CCNQ: variants seen among roughly 807,000 people sequenced by gnomAD.
The protein encoded by CCNQ is cyclin Q.
A neutral mutation model predicts 17.7 loss-of-function variants in CCNQ; 3 were observed. That is an observed-to-expected ratio of 0.17 (90% CI 0.08 to 0.44). The LOEUF (loss-of-function observed/expected upper bound fraction) is 0.44, where lower values mean the gene tolerates loss of function less well. Ranked by LOEUF, CCNQ falls within the 20% of genes least tolerant of loss-of-function variation. The pLI, the probability that CCNQ is intolerant of heterozygous loss-of-function variation, is 0.99. For synonymous variants in CCNQ, 73 were observed against 96.0 expected (o/e 0.76, Z 1.40); for missense variants, 146 against 222.6 (o/e 0.66, Z 2.19).
intron 1 of CCNQ, among the ~76,000 whole-genome samples, chrX:153,598,291 C>G (rs1212002171): frequency 9.0e-6 from 1 of 111,532 alleles, no homozygotes; most frequent in Non-Finnish European, 1.9e-5. Context: ...TGGCACACAC[C>G]TGTAATTCCA....
chrX:153,592,356 G>A (rs2090997477), intron 4 of CCNQ, 150 bp downstream of exon 4: 1 of 574,636 alleles, frequency 1.7e-6, no homozygotes, highest in Admixed American at 3.1e-5. Flanking sequence ...CCTGTCCCAG[G>A]CCATCGCAAC....
In CCNQ at chrX:153,588,220, A is replaced by ATT; in HGVS notation, c.*143_*144dup. The ATT allele has an allele frequency of 1.7e-6, 1 of 582,999 alleles. No homozygotes were observed. Among genetic ancestry groups the ATT allele is most frequent in the East Asian group, 3.3e-5 (1 of 30,542 alleles). 48.0% of individuals were successfully genotyped at this position (582,999 alleles called of 1,213,427 possible). A position where few individuals can be genotyped will look rare whatever the true frequency, so the allele number is the denominator to read the frequency against. On this transcript the variant is annotated 3_prime_UTR_variant, in exon 5 of 5. Coordinates refer to ENST00000576892, the MANE Select transcript of CCNQ (RefSeq NM_152274.5). The stretch of plus-strand genomic sequence containing the variant: ...GGGACTGGCAAAGCGGCAGCATGCC[A>ATT]TTGCCTTCTCCAGCCCTTCTCCAGC...
chrX:153,590,582 G>C (rs1004043178), intron 4 of CCNQ, among the ~76,000 whole-genome samples: 10 of 112,143 alleles, frequency 8.9e-5, no homozygotes, highest in Non-Finnish European at 1.9e-4. Flanking sequence ...TTCTGCGGCT[G>C]GATGGTGGTG....
intron 4 of CCNQ, 22 bp downstream of exon 4, chrX:153,592,484 G>C: frequency 8.4e-7 from 1 of 1,196,626 alleles, no homozygotes; most frequent in East Asian, 3.0e-5. Flanking sequence ...GGCACGTCCA[G>C]TGTGCCAAGC....
chrX:153,598,708 C>A (rs1167132552), intron 1 of CCNQ, among the ~76,000 whole-genome samples: 1 of 113,384 alleles, frequency 8.8e-6, no homozygotes, highest in Non-Finnish European at 1.9e-5. Flanking sequence ...CCGGGCCGGT[C>A]TCCGCCTCGC....
Position 153,596,051 on chromosome X carries a change from C to T in CCNQ, c.249G>A (p.Val83=), listed in dbSNP as rs1208355954. The T allele has an allele frequency of 2.5e-6, 3 of 1,210,872 alleles. No homozygotes were observed. In the African/African-American group the frequency reaches 5.2e-5, roughly 21 times the overall value. The part of the protein sequence containing the change: ...AMSSIYLAGK[V]EEQHLRTRDI... ...CACGAGTCCGCAGGTGCTGCTCTTCCACTTTGCCGGCCAAGTAAATTGAAG... is the reference window on the plus strand; with the variant it reads ...CACGAGTCCGCAGGTGCTGCTCTTCTACTTTGCCGGCCAAGTAAATTGAAG... The change falls in exon 2 of 5, where the codon GTG becomes GTA. Residue 83 remains valine (V), a synonymous_variant. Coordinates refer to ENST00000576892, the MANE Select transcript of CCNQ (RefSeq NM_152274.5).
intron 4 of CCNQ, among the ~76,000 whole-genome samples, chrX:153,592,051 A>T (rs1234714334): frequency 1.8e-5 from 2 of 110,360 alleles, no homozygotes; most frequent in Non-Finnish European, 3.8e-5. Flanking sequence ...ATACCTATCA[A>T]TCACCCGCCA....
intron 4 of CCNQ, among the ~76,000 whole-genome samples, chrX:153,591,761 G>A (rs191562630): frequency 2.7e-5 from 3 of 110,520 alleles, no homozygotes; most frequent in Non-Finnish European, 3.8e-5. Flanking sequence ...GAACATGGGT[G>A]CATGGGTTCA....
At chrX:153,594,871 G>C (rs1362634290) in intron 2 of CCNQ, among the ~76,000 whole-genome samples, 192 bp from the exon 3 acceptor site, 1 of 112,589 alleles carries the variant, frequency 8.9e-6, no homozygotes. Context: ...AATGAAAACA[G>C]TAACCAACAG....
chrX:153,596,306 CT>C, intron 1 of CCNQ, 119 bp from the exon 2 acceptor site: 4 of 793,320 alleles, frequency 5.0e-6, no homozygotes, highest in Non-Finnish European at 5.7e-6. Flanking sequence ...AGGCTAAGAA[CT>C]TCCAGCAGAG....
At chrX:153,593,881 C>T (rs56197281) in intron 3 of CCNQ, among the ~76,000 whole-genome samples, 7,906 of 111,418 alleles carry the variant, frequency 0.071, 284 homozygotes, top group African/African-American at 0.14. Context: ...GGAAGAGTTC[C>T]GATGAAAAAG....
chrX:153,588,172 C>T lies in CCNQ; in HGVS notation c.*193G>A, dbSNP rs1341233588. On this transcript the variant is annotated 3_prime_UTR_variant, in exon 5 of 5. Coordinates refer to ENST00000576892, the MANE Select transcript of CCNQ (RefSeq NM_152274.5). ...TGCCCGCTGGAGGCGCGGCTCCCACCATCACCTGCACCGCGACTTCTAGGG... is the reference window on the plus strand; with the variant it reads ...TGCCCGCTGGAGGCGCGGCTCCCACTATCACCTGCACCGCGACTTCTAGGG... 7.5e-6 allele frequency: 4 copies of T among 530,566 alleles called. No homozygotes were observed. The highest frequency in any genetic ancestry group is 1.4e-5 in the Non-Finnish European group (4 of 290,180). 43.7% of individuals were successfully genotyped at this position (530,566 alleles called of 1,213,427 possible).
chrX:153,593,439 C>T lies in CCNQ; in HGVS notation c.430-706G>A, dbSNP rs1278537584. ...CCCCATCTGGGCACAGATCACACAC[C>T]CCTTGAGGTCTGAGTGCTGCTCTTT... On this transcript the variant is annotated intron_variant, in intron 3 of 4. Transcript: ENST00000576892. Among the ~76,000 whole-genome samples the T allele has an allele frequency of 2.7e-5, 3 of 110,488 alleles. No homozygotes were observed. The East Asian group carries it at 8.5e-4, about 31-fold the overall frequency.
At chrX:153,591,488 G>A (rs1301766377) in intron 4 of CCNQ, among the ~76,000 whole-genome samples, 1 of 111,824 alleles carries the variant, frequency 8.9e-6, no homozygotes, top group Admixed American at 9.5e-5. Flanking sequence ...TGCCACACCA[G>A]GTGAGGTTTA....
intron 1 of CCNQ, 53 bp downstream of exon 1, chrX:153,598,909 C>T: frequency 4.2e-6 from 4 of 951,350 alleles, no homozygotes; most frequent in Non-Finnish European, 5.5e-6. Context: ...CGGGCCCGCT[C>T]CGCGAAGCGG....
chrX:153,598,647 G>A (rs2091044892), intron 1 of CCNQ, among the ~76,000 whole-genome samples: 1 of 113,324 alleles, frequency 8.8e-6, no homozygotes, highest in Non-Finnish European at 1.9e-5. Flanking sequence ...CGGAGTGCAG[G>A]GCCGCGGGTG....
chrX:153,589,458 G>A (rs1557025291), intron 4 of CCNQ, among the ~76,000 whole-genome samples: 1 of 113,267 alleles, frequency 8.8e-6, no homozygotes, highest in Non-Finnish European at 1.9e-5. Context: ...GGTAACCTGT[G>A]TCCTTTCCTT....
chrX:153,591,609 A>C (rs781902088), intron 4 of CCNQ, among the ~76,000 whole-genome samples: 2 of 111,287 alleles, frequency 1.8e-5, no homozygotes, highest in South Asian at 7.6e-4. Context: ...TGCCCCCCCC[A>C]GAGTCCAACC....
chrX:153,595,724 C>T (rs2091023229), intron 2 of CCNQ, among the ~76,000 whole-genome samples: 1 of 112,688 alleles, frequency 8.9e-6, no homozygotes, highest in Non-Finnish European at 1.9e-5. Flanking sequence ...ACATGCCTCT[C>T]CAAGCTCCCT....
Sources: allele counts gnomAD v4.1 joint callset (sites outside exome capture counted in the v4.1 genomes callset), GRCh38; gene constraint gnomAD v4.1.1; transcripts MANE v1.5; gene names NCBI Gene and HGNC (gene_info 2026-07-23, HGNC 2026-07-21).